The following GALP variants were observed in gnomAD, a reference collection of about 807,000 sequenced individuals.
GALP encodes the protein galanin like peptide, also known as galanin-like peptide.
In GALP, 12 loss-of-function variants were observed where a neutral mutation model predicts 15.2. That is an observed-to-expected ratio of 0.79 (90% CI 0.51 to 1.28). The LOEUF (loss-of-function observed/expected upper bound fraction) is 1.28. Ranked by LOEUF, GALP falls within the 50% of genes most tolerant of loss-of-function variation. The probability of loss-of-function intolerance (pLI) is 0.00; values close to 1 mark genes in which losing one functional copy is unlikely to be tolerated. For missense variants in GALP, 161 were observed against 145.6 expected, an observed-to-expected ratio of 1.11 and a Z score of -0.55; for synonymous variants, 58 against 55.1, an observed-to-expected ratio of 1.05 and a Z score of -0.23.
chr19:56,180,716 G>T (rs1202113644), intron 3 of GALP, 82 bp downstream of exon 3: 3 of 1,113,200 alleles, frequency 2.7e-6, no homozygotes, highest in Non-Finnish European at 4.1e-6. Context: ...GGCTTGTAAA[G>T]ACCCTCACCC....
intron 3 of GALP, 98 bp downstream of exon 3, chr19:56,180,732 C>G (rs2032549681): frequency 1.1e-6 from 1 of 894,162 alleles, no homozygotes. Flanking sequence ...CACCCACATT[C>G]ACTGAGGCCC....
intron 3 of GALP, 145 bp from the exon 4 acceptor site, chr19:56,182,027 G>T (rs533266355): frequency 3.1e-6 from 2 of 654,518 alleles, no homozygotes; most frequent in Non-Finnish European, 5.6e-6. Context: ...CCACCGGTAG[G>T]TAGGGACGGT....
chr19:56,182,658 C>T lies in GALP; in HGVS notation c.217+406C>T, dbSNP rs76086339. Reference sequence around the variant, plus strand: ...TGGTTTGGCTGGGCATGGTGGCTCACGCCTGTCATCCATACTCAAGCCTCC... The same window carrying T: ...TGGTTTGGCTGGGCATGGTGGCTCATGCCTGTCATCCATACTCAAGCCTCC... On this transcript the variant is annotated intron_variant, in intron 4 of 5. Coordinates refer to ENST00000357330, the MANE Select transcript of GALP (RefSeq NM_033106.4). 4.3e-3 allele frequency among the ~76,000 whole-genome samples: 653 copies of T among 152,206 alleles called. 2 individuals carry two copies. The highest frequency in any genetic ancestry group is 0.014 in the African/African-American group (596 of 41,556).
intron 2 of GALP, among the ~76,000 whole-genome samples, chr19:56,178,261 C>G (rs905144034): frequency 6.6e-6 from 1 of 150,708 alleles, no homozygotes; most frequent in African/African-American, 2.4e-5. Context: ...CTCAGGAGTT[C>G]GAGACCAGCC....
intron 4 of GALP, 142 bp from the exon 5 acceptor site, chr19:56,182,993 G>A: frequency 1.6e-6 from 1 of 633,612 alleles, no homozygotes; most frequent in East Asian, 2.8e-5. Context: ...TATTCTCTCT[G>A]CTCCTCTCCC....
chr19:56,179,091 C>G (rs1389076535), intron 2 of GALP, among the ~76,000 whole-genome samples: 2 of 151,736 alleles, frequency 1.3e-5, no homozygotes, highest in African/African-American at 4.9e-5. Flanking sequence ...GCAGGAGAAT[C>G]GCTTGAATCC....
rs1427435306 is a variant in GALP at position 56,185,324 on chromosome 19, T to G, written c.*54T>G. 1 of 1,118,158 alleles carries G rather than the reference T, an allele frequency of 8.9e-7. No individual in the cohort carries two copies. The highest frequency in any genetic ancestry group is 1.6e-5 in the African/African-American group (1 of 63,972). 69.3% of individuals were successfully genotyped at this position (1,118,158 alleles called of 1,614,324 possible). The stretch of plus-strand genomic sequence containing the variant: ...CTTCTCCAGCTCCTCCTGCTCCCTC[T>G]GAAACCTTTTCTAGGTACCCTATGC... On this transcript the variant is annotated 3_prime_UTR_variant, in exon 6 of 6. Coordinates refer to ENST00000357330, the MANE Select transcript of GALP (RefSeq NM_033106.4).
In GALP at chr19:56,182,126, T is replaced by A. The variant is rs773611664; in HGVS notation, c.137-46T>A. On this transcript the variant is annotated intron_variant, in intron 3 of 5. Transcript: ENST00000357330. Reference sequence around the variant, plus strand: ...TTGATGGACGATGTGTTTCTTCAGTTCTACTTAACCGACCACCTGCTCTTG... The same window carrying A: ...TTGATGGACGATGTGTTTCTTCAGTACTACTTAACCGACCACCTGCTCTTG... The A allele has an allele frequency of 2.6e-5, 35 of 1,359,334 alleles. No homozygotes were observed. The South Asian group carries it at 3.9e-4, about 15-fold the overall frequency. 84.2% of individuals were successfully genotyped at this position (1,359,334 alleles called of 1,614,324 possible).
chr19:56,179,801 T>C (rs150197369), intron 2 of GALP, among the ~76,000 whole-genome samples: 2,495 of 152,076 alleles, frequency 0.016, 75 homozygotes, highest in African/African-American at 0.054. Context: ...TTGTATTTTT[T>C]GTTTTGTTTT....
At chr19:56,179,850 G>A (rs1048933690) in intron 2 of GALP, among the ~76,000 whole-genome samples, 1 of 151,566 alleles carries the variant, frequency 6.6e-6, no homozygotes. Flanking sequence ...TGCCCAGGCT[G>A]GAGCGCAGTG....
At chr19:56,176,309 C>T (rs1380515185) in intron 1 of GALP, among the ~76,000 whole-genome samples, 1 of 92,128 alleles carries the variant, frequency 1.1e-5, no homozygotes, top group Non-Finnish European at 2.1e-5. Flanking sequence ...CCAGCTGCAC[C>T]GGGGTGAGAG....
At chr19:56,180,460 G>A in intron 2 of GALP, 126 bp from the exon 3 acceptor site, 1 of 755,736 alleles carries the variant, frequency 1.3e-6, no homozygotes, top group Non-Finnish European at 2.4e-6. Context: ...GTGCAATGGG[G>A]ATTGAAATGA....
intron 2 of GALP, 126 bp downstream of exon 2, chr19:56,177,321 A>T: frequency 1.3e-6 from 1 of 764,782 alleles, no homozygotes; most frequent in Middle Eastern, 2.3e-4. Context: ...TCCTGAAAAT[A>T]TGAGAAGAAA....
intron 2 of GALP, among the ~76,000 whole-genome samples, chr19:56,179,773 A>G (rs1250894539): frequency 1.3e-5 from 2 of 151,258 alleles, no homozygotes; most frequent in African/African-American, 4.9e-5. Flanking sequence ...GGTGTGCGCC[A>G]CCATGCCTGG....
intron 2 of GALP, among the ~76,000 whole-genome samples, chr19:56,178,693 C>T (rs1008197430): frequency 2.0e-5 from 3 of 151,990 alleles, no homozygotes; most frequent in South Asian, 2.1e-4. Context: ...TAGGGATGTT[C>T]GAGGAGTTTT....
Position 56,182,184 on chromosome 19 carries a change from C to G in GALP, c.149C>G (p.Pro50Arg), listed in dbSNP as rs747668035. Reference sequence around the variant, plus strand: ...CCTCCCTACCCAGTCCTCCACCTTCCCCAAATGGGTGACCAAGACGGAAAG... The same window carrying G: ...CCTCCCTACCCAGTCCTCCACCTTCGCCAAATGGGTGACCAAGACGGAAAG... ...GYLLGPVLHLPQMGDQDGKRE... is the reference protein window; with the variant it reads ...GYLLGPVLHLRQMGDQDGKRE... Residue 50 changes from proline (P) to arginine (R), a missense_variant, in exon 4 of 6, where the codon CCC (proline) becomes CGC (arginine). Physicochemically the swap from Pro to Arg is moderately radical, Grantham distance 103. Transcript: ENST00000357330. The G allele has an allele frequency of 2.2e-5, 36 of 1,613,822 alleles. 1 individual carries two copies. The highest frequency in any genetic ancestry group is 2.6e-5 in the Non-Finnish European group (31 of 1,179,758).
intron 5 of GALP, among the ~76,000 whole-genome samples, chr19:56,183,744 C>G (rs186340663): frequency 1.3e-5 from 2 of 151,968 alleles, no homozygotes; most frequent in African/African-American, 2.4e-5. Context: ...ATTACAGGCA[C>G]GCGCCACCAT....
At chr19:56,179,885 T>A (rs1252955595) in intron 2 of GALP, among the ~76,000 whole-genome samples, 1 of 152,128 alleles carries the variant, frequency 6.6e-6, no homozygotes, top group African/African-American at 2.4e-5. Context: ...CACTGCAATC[T>A]CCACCTCCCA....
chr19:56,178,114 TCCAC>T, intron 2 of GALP, among the ~76,000 whole-genome samples: 1 of 151,716 alleles, frequency 6.6e-6, no homozygotes, highest in African/African-American at 2.4e-5. Context: ...TAGCCGTATT[TCCAC>T]ACGTGTTGTG....
Sources: gnomAD v4.1 joint callset for allele counts (sites outside exome capture counted in the v4.1 genomes callset) on GRCh38, gnomAD v4.1.1 for gene constraint, MANE v1.5 for transcripts, NCBI Gene and HGNC (gene_info 2026-07-23, HGNC 2026-07-21) for gene names.